Variants in EMC9 observed in about 807,000 individuals in gnomAD.
EMC9 encodes UPF0172 protein FAM158A.
A neutral mutation model predicts 25.0 loss-of-function variants in EMC9; 20 were observed. The ratio of observed to expected loss-of-function variants is 0.80; its 90% CI spans 0.56 to 1.16. The LOEUF is 1.16. EMC9 is among the 50% of genes most tolerant of loss of function. EMC9 has a pLI of 0.00. For synonymous variants in EMC9, 100 were observed against 107.0 expected (o/e 0.93, Z 0.40); for missense variants, 256 against 268.7 (o/e 0.95, Z 0.33).
chr14:24,140,255 G>A (rs945196534), intron 3 of EMC9: 2 of 153,234 alleles, frequency 1.3e-5, no homozygotes, highest in African/African-American at 4.9e-5. Context: ...AGCCCCTGGG[G>A]GACACCTCAG....
In EMC9 at chr14:24,139,414, G is replaced by T. The variant is rs373329454; in HGVS notation, c.386C>A (p.Pro129Gln). 24 of 1,614,108 alleles carry T rather than the reference G, an allele frequency of 1.5e-5. No individual in the cohort carries two copies. Among genetic ancestry groups the T allele is most frequent in the Non-Finnish European group, 1.9e-5 (23 of 1,180,004 alleles). ...ACCTTGGTTCTCCAGGACGATGACCGGGGGCACACGAGGCTGAGGCACCAG... is the reference window on the plus strand; with the variant it reads ...ACCTTGGTTCTCCAGGACGATGACCTGGGGCACACGAGGCTGAGGCACCAG... Reference protein sequence around the residue: ...QKLVPQPRVPPVIVLENQGLR... With the variant: ...QKLVPQPRVPQVIVLENQGLR... Residue 129 changes from proline to glutamine, a missense_variant, in exon 5 of 6, where the codon CCG becomes CAG. By Grantham distance (76) the Pro-to-Gln change is moderately conservative (BLOSUM62 -1). Transcript: ENST00000216799. The surrounding 1 kb of genome is among the most constrained non-coding windows in gnomAD (Gnocchi z 4.6).
In EMC9 at chr14:24,139,880, G is replaced by C; in HGVS notation, c.276-266C>G. Reference sequence around the variant, plus strand: ...GTAATTTGGCATAACCATCCAAATTGAAACTGTATACATACTATACATATG... The same window carrying C: ...GTAATTTGGCATAACCATCCAAATTCAAACTGTATACATACTATACATATG... On this transcript the variant is annotated intron_variant, in intron 3 of 5. Coordinates refer to ENST00000216799, the MANE Select transcript of EMC9 (RefSeq NM_016049.4). The surrounding 1 kb of genome is among the most constrained non-coding windows in gnomAD (Gnocchi z 4.6). 1.2e-6 allele frequency: 1 copy of C among 828,490 alleles called. No individual in the cohort carries two copies. Among genetic ancestry groups the C allele is most frequent in the Non-Finnish European group, 1.9e-6 (1 of 528,114 alleles). The allele number at this position is 828,490 out of a possible 1,614,324, so 51.3% of individuals were successfully genotyped here.
intron 3 of EMC9, chr14:24,140,594 A>AG: frequency 2.1e-5 from 3 of 140,546 alleles, no homozygotes; most frequent in East Asian, 3.7e-4. Flanking sequence ...ACTCCGTCTC[A>AG]AAAAAAAAAA....
intron 3 of EMC9, chr14:24,140,048 G>A: frequency 3.2e-6 from 1 of 315,248 alleles, no homozygotes; most frequent in South Asian, 2.6e-5. Context: ...TGTTACGGTA[G>A]ATCTTGGTGT....
Position 24,140,980 on chromosome 14 carries a change from G to A in EMC9, c.199-15C>T, listed in dbSNP as rs778772783. The A allele has an allele frequency of 3.7e-6, 6 of 1,614,238 alleles. No homozygotes were observed. The South Asian group carries it at 5.5e-5, about 15-fold the overall frequency. On this transcript the variant is annotated splice_polypyrimidine_tract_variant and intron_variant, in intron 2 of 5. Coordinates refer to ENST00000216799, the MANE Select transcript of EMC9 (RefSeq NM_016049.4). ...CACACATCCACCTGTCGTAGGAAAG[G>A]GGCCATCAGTAATTAAATTGTGCCG... is the stretch of plus-strand genomic sequence containing the variant.
chr14:24,141,513 C>A lies in EMC9; in HGVS notation c.-88G>T. 1 of 620,114 alleles carries A rather than the reference C, an allele frequency of 1.6e-6. No individual in the cohort carries two copies. The highest frequency in any genetic ancestry group is 2.8e-6 in the Non-Finnish European group (1 of 351,220). The allele number at this position is 620,114 out of a possible 1,614,324, so 38.4% of individuals were successfully genotyped here. A position where few individuals can be genotyped will look rare whatever the true frequency, so the allele number is the denominator to read the frequency against. On this transcript the variant is annotated 5_prime_UTR_variant, in exon 1 of 6. Coordinates refer to ENST00000216799, the MANE Select transcript of EMC9 (RefSeq NM_016049.4). ...CGGCGCCCTGGGTCCCGGAGTCCGC[C>A]CCCGGCCCAGTCCAGGAGGAGGTCC...
At position 24,141,112 on chromosome 14, in the gene EMC9, T is replaced by C. The variant is rs1045896446; in HGVS notation, c.193A>G (p.Asn65Asp). 1.2e-6 allele frequency: 2 copies of C among 1,614,042 alleles called. No homozygotes were observed. Among genetic ancestry groups the C allele is most frequent in the Non-Finnish European group, 1.7e-6 (2 of 1,180,042 alleles). Residue 65 changes from asparagine (N) to aspartate (D), a missense_variant, in exon 2 of 6, where the codon AAC (asparagine) becomes GAC (aspartate). Coordinates refer to ENST00000216799, the MANE Select transcript of EMC9 (RefSeq NM_016049.4). Reference protein sequence around the residue: ...ALSVMLEVALNQVDVWGAQAG... With the variant: ...ALSVMLEVALDQVDVWGAQAG... The stretch of plus-strand genomic sequence containing the variant: ...TGGGCATCCAACGGAGGCACCTGGT[T>C]GAGGGCGACCTCCAACATGACGGAC...
At chr14:24,140,813 C>CCCCA in intron 3 of EMC9, 76 bp downstream of exon 3, 1 of 1,454,796 alleles carries the variant, frequency 6.9e-7, no homozygotes, top group Non-Finnish European at 9.5e-7. Context: ...CACCGCCCCA[C>CCCCA]GCATCCTCGC....
rs751996416 is a variant in EMC9, at chr14:24,139,406, C to T, written c.394G>A (p.Val132Ile). Residue 132 changes from valine (V) to isoleucine (I), a missense_variant, in exon 5 of 6, where the codon GTC becomes ATC. Transcript: ENST00000216799. The surrounding 1 kb of genome is among the most constrained non-coding windows in gnomAD (Gnocchi z 4.6). ...VPQPRVPPVI[V>I]LENQGLRWVP... Reference sequence around the variant, plus strand: ...CAGCGGAGACCTTGGTTCTCCAGGACGATGACCGGGGGCACACGAGGCTGA... The same window carrying T: ...CAGCGGAGACCTTGGTTCTCCAGGATGATGACCGGGGGCACACGAGGCTGA... 4.5e-5 allele frequency: 73 copies of T among 1,614,030 alleles called. No individual in the cohort carries two copies. Among genetic ancestry groups the T allele is most frequent in the South Asian group, 5.5e-5 (5 of 91,078 alleles).
rs1036412700 is a variant in EMC9 at position 24,139,746 on chromosome 14, G to C, written c.276-132C>G. On this transcript the variant is annotated intron_variant, in intron 3 of 5. Transcript: ENST00000216799. The surrounding 1 kb of genome is among the most constrained non-coding windows in gnomAD (Gnocchi z 4.6). ...TCCCTGTAGGTGGCCTGCGGGGATC[G>C]GGCCTGCTGGATGCTTGATGCACGA... 3 of 1,544,380 alleles carry C rather than the reference G, an allele frequency of 1.9e-6. No homozygotes were observed. In the African/African-American group the frequency reaches 4.1e-5, roughly 21 times the overall value.
Position 24,139,222 on chromosome 14 carries a change from C to G in EMC9, c.441-26G>C. The stretch of plus-strand genomic sequence containing the variant: ...CTGAAATAGTAACCCCCATGGAGGT[C>G]AAACAGCAAGTAGTGGGTCCAGACA... On this transcript the variant is annotated intron_variant, in intron 5 of 5. Coordinates refer to ENST00000216799, the MANE Select transcript of EMC9 (RefSeq NM_016049.4). The surrounding 1 kb of genome is among the most constrained non-coding windows in gnomAD (Gnocchi z 4.6). 6.2e-7 allele frequency: 1 copy of G among 1,612,402 alleles called. No homozygotes were observed. The highest frequency in any genetic ancestry group is 8.5e-7 in the Non-Finnish European group (1 of 1,178,810).
intron 3 of EMC9, chr14:24,140,244 C>T (rs1438937596): frequency 6.5e-6 from 1 of 153,486 alleles, no homozygotes; most frequent in Non-Finnish European, 1.4e-5. Context: ...TCTGTTCTTT[C>T]AGCCCCTGGG....
intron 3 of EMC9, 72 bp downstream of exon 3, chr14:24,140,810 CCACGCAT>C: frequency 6.8e-7 from 1 of 1,478,720 alleles, no homozygotes. Context: ...GCCCACCGCC[CCACGCAT>C]CCTCGCCCTC....
In EMC9 at chr14:24,140,915, A is replaced by G; in HGVS notation, c.249T>C (p.His83=). ...TCTGATCGTTCACAGCTGCATTGGC[A>G]TGGTAGTAACCAGCCACCACCAGAC... The part of the protein sequence containing the change: ...QAGLVVAGYY[H]ANAAVNDQSP... Residue 83 remains histidine, a synonymous_variant, in exon 3 of 6, where the codon CAT becomes CAC. Coordinates refer to ENST00000216799, the MANE Select transcript of EMC9 (RefSeq NM_016049.4). 1 of 1,613,894 alleles carries G rather than the reference A, an allele frequency of 6.2e-7. No individual in the cohort carries two copies. The highest frequency in any genetic ancestry group is 2.2e-5 in the East Asian group (1 of 44,874).
chr14:24,139,306 G>A lies in EMC9; in HGVS notation c.440+54C>T, dbSNP rs2037988812. The A allele has an allele frequency of 1.9e-6, 3 of 1,604,982 alleles. No homozygotes were observed. The highest frequency in any genetic ancestry group is 1.7e-5 in the Admixed American group (1 of 59,226). ...CCTTGGGGCAGGGCCAAGGACAGAG[G>A]AGACCCAGGAGCCTTGGGCTTCTAA... On this transcript the variant is annotated intron_variant, in intron 5 of 5. Coordinates refer to ENST00000216799, the MANE Select transcript of EMC9 (RefSeq NM_016049.4). The surrounding 1 kb of genome is among the most constrained non-coding windows in gnomAD (Gnocchi z 4.6).
At chr14:24,140,789 G>A in intron 3 of EMC9, 100 bp downstream of exon 3, 3 of 1,301,236 alleles carry the variant, frequency 2.3e-6, no homozygotes, top group East Asian at 2.4e-5. Flanking sequence ...CATCTTGTGC[G>A]CCCCCGCCCC....
At position 24,141,301 on chromosome 14, in the gene EMC9, C is replaced by G. The variant is rs1161403025; in HGVS notation, c.4G>C (p.Gly2Arg). 6.2e-7 allele frequency: 1 copy of G among 1,614,040 alleles called. No individual in the cohort carries two copies. Among genetic ancestry groups the G allele is most frequent in the Admixed American group, 1.7e-5 (1 of 60,034 alleles). M[G>R]EVEISALAYV... ...GCCAGGGCCGAGATCTCCACCTCCC[C>G]CATGGCGAGCGAGGCCTGGACGGGA... Residue 2 changes from glycine (G) to arginine (R), a missense_variant, in exon 2 of 6, where the codon GGG (glycine) becomes CGG (arginine). Transcript: ENST00000216799.
Position 24,139,116 on chromosome 14 carries a change from T to A in EMC9, c.521A>T (p.Asp174Val). 2 of 1,614,092 alleles carry A rather than the reference T, an allele frequency of 1.2e-6. No individual in the cohort carries two copies. Among genetic ancestry groups the A allele is most frequent in the Non-Finnish European group, 1.7e-6 (2 of 1,180,006 alleles). Residue 174 changes from aspartate to valine, a missense_variant, in exon 6 of 6, where the codon GAC becomes GTC. Coordinates refer to ENST00000216799, the MANE Select transcript of EMC9 (RefSeq NM_016049.4). This position sits in a 1 kb window ranked among gnomAD's most constrained non-coding sequence, Gnocchi z 4.6. ...GATGTCATCAAGGTGGCAGTCAAAG[T>A]CCACAAGGTGCTGGTGGGCCCGATC... ...LEDRAHQHLV[D>V]FDCHLDDIRQ...
chr14:24,141,100 GAGGCACCTGGTTGA>G lies in EMC9; in HGVS notation c.191_198+6del, dbSNP rs1231607060. 1.9e-6 allele frequency: 3 copies of G among 1,613,910 alleles called. No homozygotes were observed. The African/African-American group carries it at 4.0e-5, about 22-fold the overall frequency. ...CGCGGTGGGGGATGGGCATCCAACG[GAGGCACCTGGTTGA>G]GGGCGACCTCCAACATGACGGACAG... On this transcript the variant is annotated splice_donor_variant and splice_donor_5th_base_variant and coding_sequence_variant and intron_variant, in exon 2 of 6. Transcript: ENST00000216799. LOFTEE classifies it high-confidence loss of function.
Sources: allele counts gnomAD v4.1 joint callset, GRCh38; gene constraint gnomAD v4.1.1; non-coding constraint Gnocchi (gnomAD v3.1); transcripts MANE v1.5; gene names NCBI Gene and HGNC (gene_info 2026-07-23, HGNC 2026-07-21).